Variants in DYM observed in about 807,000 individuals in gnomAD.
DYM encodes the protein dyggve-Melchior-Clausen syndrome protein.
A neutral mutation model predicts 93.1 loss-of-function variants in DYM; 78 were observed. The observed-to-expected ratio is 0.84, with a 90% CI of 0.70 to 1.01. The LOEUF is 1.01. Among genes scored for constraint, DYM ranks in the 50% least tolerant of loss-of-function variants. The pLI is 0.00. For missense variants in DYM, 789 were observed against 845.0 expected, an observed-to-expected ratio of 0.93 and a Z score of 0.82; for synonymous variants, 321 against 319.7, an observed-to-expected ratio of 1.00 and a Z score of -0.04.
intron 1 of DYM, among the ~76,000 whole-genome samples, chr18:49,457,528 T>C (rs1270561839): frequency 6.6e-6 from 1 of 152,162 alleles, no homozygotes; most frequent in Non-Finnish European, 1.5e-5. Flanking sequence ...AAATGAACAG[T>C]CTTCTCTAGA....
chr18:49,108,454 T>C (rs1201214350), intron 16 of DYM, among the ~76,000 whole-genome samples: 2 of 152,230 alleles, frequency 1.3e-5, no homozygotes, highest in African/African-American at 4.8e-5. Flanking sequence ...ATGAACCCGG[T>C]ATCTCAGTTG....
At chr18:49,206,932 T>A (rs1297758330) in intron 14 of DYM, among the ~76,000 whole-genome samples, 1 of 152,168 alleles carries the variant, frequency 6.6e-6, no homozygotes, top group Non-Finnish European at 1.5e-5. Context: ...AATTCTACAC[T>A]GACTCAGAAA....
intron 6 of DYM, among the ~76,000 whole-genome samples, chr18:49,345,934 T>C (rs909983247): frequency 6.6e-6 from 1 of 152,180 alleles, no homozygotes; most frequent in Non-Finnish European, 1.5e-5. Flanking sequence ...CATGATTAAA[T>C]ATATTTTGAC....
At chr18:49,157,271 T>C (rs1358534319) in intron 15 of DYM, among the ~76,000 whole-genome samples, 1 of 152,116 alleles carries the variant, frequency 6.6e-6, no homozygotes, top group Non-Finnish European at 1.5e-5. Context: ...CCACTCCTCC[T>C]CCTGCAGAAG....
chr18:49,289,761 A>ATATATACG lies in DYM; in HGVS notation c.764-3146_764-3145insCGTATATA, dbSNP rs1568181267. 5.6e-4 allele frequency among the ~76,000 whole-genome samples: 32 copies of ATATATACG among 57,396 alleles called. 1 individual carries two copies. Among genetic ancestry groups the ATATATACG allele is most frequent in the African/African-American group, 2.3e-3 (31 of 13,212 alleles). 37.7% of individuals were successfully genotyped at this position (57,396 alleles called of 152,430 possible). On this transcript the variant is annotated intron_variant, in intron 8 of 17. Transcript: ENST00000675505. ...TATATATATATATATATATATATAT[A>ATATATACG]TATATATATATACACATATATATAT...
intron 8 of DYM, among the ~76,000 whole-genome samples, chr18:49,316,585 C>A (rs1166395909): frequency 6.6e-6 from 1 of 152,044 alleles, no homozygotes; most frequent in Non-Finnish European, 1.5e-5. Context: ...ATAAAAACAA[C>A]GTTTACTGAA....
chr18:49,292,259 T>C (rs2060159216), intron 8 of DYM, among the ~76,000 whole-genome samples: 1 of 151,698 alleles, frequency 6.6e-6, no homozygotes, highest in African/African-American at 2.4e-5. Context: ...TAACATTTTA[T>C]TGGGAAGCTT....
intron 17 of DYM, among the ~76,000 whole-genome samples, chr18:49,075,524 C>A (rs1196715475): frequency 1.3e-5 from 2 of 151,730 alleles, no homozygotes; most frequent in Non-Finnish European, 2.9e-5. Flanking sequence ...AAGAAGGATT[C>A]AGTGAAGGAT....
chr18:49,116,114 TTC>T (rs1568446629), intron 16 of DYM: 1 of 152,232 alleles, frequency 6.6e-6, no homozygotes, highest in Admixed American at 6.5e-5. Context: ...GTTATAAGAA[TTC>T]TCTCATTCGG....
At chr18:49,414,375 G>C (rs2072660513) in intron 2 of DYM, among the ~76,000 whole-genome samples, 1 of 152,030 alleles carries the variant, frequency 6.6e-6, no homozygotes, top group Admixed American at 6.6e-5. Flanking sequence ...TAAATTTTAT[G>C]TTTATTTTAC....
chr18:49,388,967 C>A (rs1478668617), intron 3 of DYM, among the ~76,000 whole-genome samples: 1 of 149,416 alleles, frequency 6.7e-6, no homozygotes, highest in Non-Finnish European at 1.5e-5. Flanking sequence ...TAGACCAGCA[C>A]TTAAAAAAAT....
intron 13 of DYM, among the ~76,000 whole-genome samples, chr18:49,227,849 G>A (rs1016924642): frequency 6.6e-6 from 1 of 151,978 alleles, no homozygotes; most frequent in African/African-American, 2.4e-5. Context: ...TTTGCCTCTG[G>A]TCTTTGCACC....
At chr18:49,129,797 T>A (rs2083212963) in intron 15 of DYM, among the ~76,000 whole-genome samples, 2 of 152,038 alleles carry the variant, frequency 1.3e-5, no homozygotes, top group African/African-American at 4.8e-5. Flanking sequence ...TCTTCTCTCA[T>A]GCTAAGAAAA....
chr18:49,098,269 TA>T (rs1236856440), intron 16 of DYM, among the ~76,000 whole-genome samples: 5 of 152,198 alleles, frequency 3.3e-5, no homozygotes, highest in Non-Finnish European at 5.9e-5. Context: ...TGCAAAAATA[TA>T]AAAAATTATT....
intron 17 of DYM, among the ~76,000 whole-genome samples, chr18:49,047,928 C>T (rs182523117): frequency 4.6e-5 from 7 of 152,282 alleles, no homozygotes; most frequent in South Asian, 2.1e-4. Context: ...CCAAATGTCC[C>T]GCTGAGGCCA....
At chr18:49,232,068 T>C (rs1351616305) in intron 13 of DYM, among the ~76,000 whole-genome samples, 1 of 152,174 alleles carries the variant, frequency 6.6e-6, no homozygotes, top group East Asian at 1.9e-4. Flanking sequence ...GTTTCTAAAT[T>C]ACACATGTGA....
chr18:49,326,615 T>C (rs2062896283), intron 8 of DYM, among the ~76,000 whole-genome samples: 1 of 152,206 alleles, frequency 6.6e-6, no homozygotes, highest in Admixed American at 6.5e-5. Context: ...ACTCACTGAG[T>C]ACTGCAGTGC....
intron 13 of DYM, among the ~76,000 whole-genome samples, chr18:49,224,238 ACT>A (rs1400832579): frequency 6.6e-6 from 1 of 151,898 alleles, no homozygotes; most frequent in African/African-American, 2.4e-5. Context: ...GGATCAAAAG[ACT>A]CTGGGAAAGG....
chr18:49,449,509 T>C (rs1307214987), intron 1 of DYM, among the ~76,000 whole-genome samples: 1 of 152,212 alleles, frequency 6.6e-6, no homozygotes, highest in African/African-American at 2.4e-5. Flanking sequence ...TCTTCCTGTA[T>C]AATGTTCCTC....
Sources: gnomAD v4.1 joint callset for allele counts (sites outside exome capture counted in the v4.1 genomes callset) on GRCh38, gnomAD v4.1.1 for gene constraint, MANE v1.5 for transcripts, NCBI Gene and HGNC (gene_info 2026-07-23, HGNC 2026-07-21) for gene names.